MYO16: variants seen among roughly 807,000 people sequenced by gnomAD.
The protein encoded by MYO16 is unconventional myosin-XVI.
Under a neutral mutation model 205.3 loss-of-function variants are expected in MYO16, and 94 were observed. The observed-to-expected ratio is 0.46, with a 90% CI of 0.39 to 0.54. The LOEUF (loss-of-function observed/expected upper bound fraction) is 0.54, where lower values mean the gene tolerates loss of function less well. Among genes scored for constraint, MYO16 ranks in the 20% least tolerant of loss-of-function variants. MYO16 has a pLI of 0.00. For missense variants in MYO16, 2,315 were observed against 2,387.5 expected, an observed-to-expected ratio of 0.97 and a Z score of 0.63; for synonymous variants, 988 against 954.0, an observed-to-expected ratio of 1.04 and a Z score of -0.66.
At chr13:109,097,423 G>T (rs1012068208) in intron 27 of MYO16, among the ~76,000 whole-genome samples, 2 of 152,016 alleles carry the variant, frequency 1.3e-5, no homozygotes, top group Non-Finnish European at 2.9e-5. Flanking sequence ...GCTTACTCCC[G>T]GTTCCCAACC....
chr13:108,538,662 T>C, the MYO16 span, among the ~76,000 whole-genome samples: 24,546 of 152,068 alleles, frequency 0.16, 3,017 homozygotes, highest in African/African-American at 0.34. Context: ...TGATCCCTAC[T>C]GATACAGTAT....
At chr13:108,820,498 A>G (rs1413230316) in intron 8 of MYO16, 86 bp downstream of exon 8, 25 of 1,135,126 alleles carry the variant, frequency 2.2e-5, no homozygotes, top group Non-Finnish European at 3.2e-5. Flanking sequence ...CAGCACAGCT[A>G]CAAAGTGAGA....
intron 2 of MYO16, among the ~76,000 whole-genome samples, chr13:108,695,709 GT>G (rs992304636): frequency 5.9e-5 from 9 of 152,010 alleles, no homozygotes; most frequent in African/African-American, 1.9e-4. Flanking sequence ...TATTTTAACA[GT>G]AATATAGCAA....
chr13:108,730,911 T>C (rs971033939), intron 4 of MYO16, among the ~76,000 whole-genome samples: 2 of 152,192 alleles, frequency 1.3e-5, no homozygotes, highest in African/African-American at 4.8e-5. Context: ...GCATTTACTA[T>C]TAAGATTACC....
At chr13:108,602,643 G>T (rs1182408466) in intron 1 of MYO16, among the ~76,000 whole-genome samples, 1 of 152,088 alleles carries the variant, frequency 6.6e-6, no homozygotes, top group African/African-American at 2.4e-5. Flanking sequence ...AATCTGTCTT[G>T]ACTTTGAAAT....
chr13:108,881,561 A>C (rs1373949055), intron 12 of MYO16, among the ~76,000 whole-genome samples: 1 of 152,200 alleles, frequency 6.6e-6, no homozygotes, highest in East Asian at 1.9e-4. Flanking sequence ...AAGATTAGAC[A>C]AATGGCTAAC....
At chr13:108,680,058 G>A (rs1372801913) in intron 2 of MYO16, among the ~76,000 whole-genome samples, 1 of 152,282 alleles carries the variant, frequency 6.6e-6, no homozygotes, top group East Asian at 1.9e-4. Flanking sequence ...TCTGAACCTA[G>A]AGCACTTCTT....
At position 108,933,735 on chromosome 13, in the gene MYO16, C is replaced by T. The variant is rs558890551; in HGVS notation, c.1925+23585C>T. 2.0e-5 allele frequency among the ~76,000 whole-genome samples: 3 copies of T among 152,136 alleles called. No homozygotes were observed. In the East Asian group the frequency reaches 5.8e-4, roughly 29 times the overall value. On this transcript the variant is annotated intron_variant, in intron 16 of 34. Transcript: ENST00000457511. Reference sequence around the variant, plus strand: ...GCATAGTACGCAACAGTTATTTTTTCAGCTCTTTCCCCTATACCTTCCTCC... The same window carrying T: ...GCATAGTACGCAACAGTTATTTTTTTAGCTCTTTCCCCTATACCTTCCTCC...
In MYO16 at chr13:108,979,182, A is replaced by T. The variant is rs530624198; in HGVS notation, c.2370-13194A>T. On this transcript the variant is annotated intron_variant, in intron 20 of 34. Coordinates refer to ENST00000457511, the MANE Select transcript of MYO16 (RefSeq NM_001198950.3). ...TTAATTTCTGAAGTTTCAAAAATAT[A>T]TTTTCTGTAGTTTTATTATATCCTT... is the stretch of plus-strand genomic sequence containing the variant. Among the ~76,000 whole-genome samples the T allele has an allele frequency of 1.8e-4, 28 of 151,892 alleles. No homozygotes were observed. The South Asian group carries it at 5.2e-3, about 28-fold the overall frequency.
At chr13:108,628,005 T>C (rs895235951), upstream of MYO16, among the ~76,000 whole-genome samples, 1 of 152,150 alleles carries the variant, frequency 6.6e-6, no homozygotes, top group Non-Finnish European at 1.5e-5. Flanking sequence ...AAATTCACAG[T>C]TATTTTATGC....
At chr13:109,160,417 G>T (rs1049105435) in intron 32 of MYO16, among the ~76,000 whole-genome samples, 7 of 152,160 alleles carry the variant, frequency 4.6e-5, no homozygotes, top group African/African-American at 1.7e-4. Context: ...TTTTGAGTCA[G>T]ATCCTGATGT....
chr13:109,023,998 A>G (rs928053499), intron 23 of MYO16, among the ~76,000 whole-genome samples: 1 of 102,638 alleles, frequency 9.7e-6, no homozygotes, highest in Non-Finnish European at 2.0e-5. Context: ...CTATATGTAT[A>G]TATAGAAATA....
intron 2 of MYO16, among the ~76,000 whole-genome samples, chr13:108,688,601 A>G (rs1882773072): frequency 6.6e-6 from 1 of 152,094 alleles, no homozygotes; most frequent in South Asian, 2.1e-4. Context: ...GACTTCCCAT[A>G]GGTTTCTTCA....
chr13:108,822,108 A>G (rs145926892), intron 8 of MYO16, among the ~76,000 whole-genome samples: 1 of 152,272 alleles, frequency 6.6e-6, no homozygotes, highest in East Asian at 1.9e-4. Flanking sequence ...AACTGAGCAA[A>G]TGAAAGTCGT....
chr13:108,730,901 G>A (rs916057970), intron 4 of MYO16, among the ~76,000 whole-genome samples: 17 of 152,116 alleles, frequency 1.1e-4, no homozygotes, highest in African/African-American at 2.7e-4. Context: ...ATACATGCCC[G>A]CATTTACTAT....
chr13:109,098,331 T>C (rs1323890086), intron 27 of MYO16, among the ~76,000 whole-genome samples: 3 of 152,212 alleles, frequency 2.0e-5, no homozygotes, highest in African/African-American at 7.2e-5. Context: ...TTTATCCCTG[T>C]AGTGTAAAAT....
chr13:108,787,777 T>G (rs1289696408), intron 5 of MYO16, among the ~76,000 whole-genome samples: 4 of 152,234 alleles, frequency 2.6e-5, no homozygotes, highest in Non-Finnish European at 4.4e-5. Flanking sequence ...ATTTAATATC[T>G]CTTAAATTTT....
intron 16 of MYO16, among the ~76,000 whole-genome samples, chr13:108,949,826 C>A (rs1237148805): frequency 6.6e-6 from 1 of 151,908 alleles, no homozygotes; most frequent in Non-Finnish European, 1.5e-5. Flanking sequence ...CAGACAGACA[C>A]AAAGATCAAA....
chr13:108,619,790 C>G (rs1879475946), intron 1 of MYO16, among the ~76,000 whole-genome samples: 1 of 152,118 alleles, frequency 6.6e-6, no homozygotes, highest in Non-Finnish European at 1.5e-5. Context: ...GTCCTCCCCT[C>G]TCCCTCTCTC....
Sources: gnomAD v4.1 joint callset for allele counts (sites outside exome capture counted in the v4.1 genomes callset) on GRCh38, gnomAD v4.1.1 for gene constraint, MANE v1.5 for transcripts, NCBI Gene and HGNC (gene_info 2026-07-23, HGNC 2026-07-21) for gene names.